The following MGAT4C variants were observed in gnomAD, a reference collection of about 807,000 sequenced individuals.
MGAT4C encodes MGAT4 family member C.
MGAT4C carries 19 observed loss-of-function variants against 40.1 expected under a neutral mutation model. The ratio of observed to expected loss-of-function variants is 0.47; its 90% confidence interval spans 0.33 to 0.70. MGAT4C has a LOEUF of 0.70. MGAT4C is among the 30% of genes least tolerant of loss of function. MGAT4C has a pLI of 0.02. For synonymous variants in MGAT4C, 181 were observed against 187.1 expected (o/e 0.97, Z 0.27); for missense variants, 491 against 563.2 (o/e 0.87, Z 1.30).
intron 2 of MGAT4C, among the ~76,000 whole-genome samples, chr12:86,510,656 C>G (rs1012480649): frequency 2.6e-5 from 4 of 151,906 alleles, no homozygotes; most frequent in Non-Finnish European, 4.4e-5. Context: ...ATCTACCAAG[C>G]AAATGGAAAA....
Position 86,580,538 on chromosome 12 carries a change from T to C in MGAT4C, c.-228-145273A>G, listed in dbSNP as rs1016189643. 2.0e-5 allele frequency among the ~76,000 whole-genome samples: 3 copies of C among 151,616 alleles called. No homozygotes were observed. The East Asian group carries it at 5.8e-4, about 30-fold the overall frequency. ...GACAGAAACATTTATCAGCACAGAA[T>C]TGATTATAGCTATAATCTACATAAT... is the stretch of plus-strand genomic sequence containing the variant. On this transcript the variant is annotated intron_variant, in intron 2 of 7. Coordinates refer to the MGAT4C transcript ENST00000548651.
chr12:86,073,318 G>A (rs145716950), intron 1 of MGAT4C, among the ~76,000 whole-genome samples: 74 of 152,184 alleles, frequency 4.9e-4, no homozygotes, highest in African/African-American at 1.3e-3. Flanking sequence ...AAATTACCCC[G>A]TCTTGGGTAT....
chr12:86,360,364 C>T (rs944916223), intron 3 of MGAT4C, among the ~76,000 whole-genome samples: 1 of 152,134 alleles, frequency 6.6e-6, no homozygotes, highest in South Asian at 2.1e-4. Context: ...TTATGACAAA[C>T]CCACAGCCAA....
At chr12:86,526,748 G>A (rs377534467) in intron 2 of MGAT4C, among the ~76,000 whole-genome samples, 26 of 152,334 alleles carry the variant, frequency 1.7e-4, no homozygotes, top group African/African-American at 5.5e-4. Flanking sequence ...CGCTGGCCAT[G>A]CACCACTACA....
intron 1 of MGAT4C, among the ~76,000 whole-genome samples, chr12:86,065,789 T>C (rs1894481741): frequency 6.6e-6 from 1 of 152,162 alleles, no homozygotes; most frequent in Non-Finnish European, 1.5e-5. Flanking sequence ...GCAGATGACA[T>C]GATTGTATGT....
At chr12:85,993,200 G>A (rs905507993) in intron 2 of MGAT4C, among the ~76,000 whole-genome samples, 2 of 152,172 alleles carry the variant, frequency 1.3e-5, no homozygotes, top group South Asian at 2.1e-4. Context: ...GAAGGATGTC[G>A]TGTTACTTTT....
At position 86,021,278 on chromosome 12, in the gene MGAT4C, C is replaced by T. The variant is rs1889703059; in HGVS notation, c.-7+28396G>A. Among the ~76,000 whole-genome samples the T allele has an allele frequency of 2.0e-5, 3 of 152,062 alleles. No homozygotes were observed. The South Asian group carries it at 6.2e-4, about 31-fold the overall frequency. On this transcript the variant is annotated intron_variant, in intron 2 of 4. Transcript: ENST00000611864. ...ATTATAAACCATGCTGCTATAAAGA[C>T]ACATGCACACGTATGTTTATTGCGG...
In MGAT4C at chr12:85,961,711, C is replaced by T. The variant is rs1036809385; in HGVS notation, c.*17578G>A. ...ATTTATTTGAATTTTTCTGGCCTAA[C>T]CTTGTTGGCATGAGAGTTCCCACTT... On this transcript the variant is annotated 3_prime_UTR_variant, in exon 5 of 5. Transcript: ENST00000611864. The T allele has an allele frequency of 6.6e-6, 1 of 151,818 alleles. No homozygotes were observed. The highest frequency in any genetic ancestry group is 1.5e-5 in the Non-Finnish European group (1 of 67,776). 9.4% of individuals were successfully genotyped at this position (151,818 alleles called of 1,614,324 possible).
At chr12:86,711,391 C>T (rs946667037) in intron 2 of MGAT4C, among the ~76,000 whole-genome samples, 1 of 151,918 alleles carries the variant, frequency 6.6e-6, no homozygotes, top group African/African-American at 2.4e-5. Context: ...AACCAACACT[C>T]ATATTTACGG....
At chr12:86,429,497 A>G (rs1179162437) in intron 3 of MGAT4C, among the ~76,000 whole-genome samples, 2 of 152,164 alleles carry the variant, frequency 1.3e-5, no homozygotes, top group Non-Finnish European at 2.9e-5. Context: ...AGTGTTGTTC[A>G]AGTCCAATGT....
chr12:86,141,501 A>C (rs1882834660), intron 1 of MGAT4C, among the ~76,000 whole-genome samples: 1 of 152,168 alleles, frequency 6.6e-6, no homozygotes, highest in African/African-American at 2.4e-5. Flanking sequence ...TCATGTGTCT[A>C]GGCATAAAAC....
At chr12:86,779,781 C>T (rs1047134130) in intron 1 of MGAT4C, among the ~76,000 whole-genome samples, 2 of 151,390 alleles carry the variant, frequency 1.3e-5, no homozygotes, top group Non-Finnish European at 2.9e-5. Flanking sequence ...GGCGTGGTGG[C>T]GGGCGCCTGT....
chr12:86,380,399 G>A (rs182966845), intron 3 of MGAT4C, among the ~76,000 whole-genome samples: 24 of 152,166 alleles, frequency 1.6e-4, no homozygotes, highest in Admixed American at 8.5e-4. Flanking sequence ...ACTTCGTGGT[G>A]TTAAATATTG....
chr12:86,115,874 T>G (rs2135664188), intron 1 of MGAT4C, among the ~76,000 whole-genome samples: 1 of 152,152 alleles, frequency 6.6e-6, no homozygotes, highest in East Asian at 1.9e-4. Flanking sequence ...CCTGAATTGA[T>G]TAAGGTCCAC....
At chr12:86,821,250 T>C (rs1226541383) in intron 1 of MGAT4C, among the ~76,000 whole-genome samples, 3 of 150,922 alleles carry the variant, frequency 2.0e-5, no homozygotes, top group African/African-American at 4.8e-5. Context: ...CTGCAGCAAC[T>C]ATAAAAGTTC....
At chr12:86,123,974 T>C (rs1879851147) in intron 1 of MGAT4C, among the ~76,000 whole-genome samples, 1 of 152,134 alleles carries the variant, frequency 6.6e-6, no homozygotes, top group South Asian at 2.1e-4. Flanking sequence ...AATTTCATTT[T>C]TAATCATTCC....
chr12:86,101,167 G>A (rs1874968241), intron 1 of MGAT4C, among the ~76,000 whole-genome samples: 1 of 151,538 alleles, frequency 6.6e-6, no homozygotes, highest in South Asian at 2.1e-4. Flanking sequence ...TTTTTACTCT[G>A]TAAGACATGG....
At chr12:86,065,643 A>T (rs914270585) in intron 1 of MGAT4C, among the ~76,000 whole-genome samples, 1 of 152,016 alleles carries the variant, frequency 6.6e-6, no homozygotes, top group Non-Finnish European at 1.5e-5. Flanking sequence ...CCTTTGAAAA[A>T]CGGGAGAAGA....
In MGAT4C at chr12:86,765,734, A is replaced by T. The variant is rs373304679; in HGVS notation, c.-261-38493T>A. On this transcript the variant is annotated intron_variant, in intron 1 of 7. Transcript: ENST00000548651. ...ATTCAACATTCTTAAAGAAAAGAATATTCAACCCAGAATTTCATATCCAGC... is the reference window on the plus strand; with the variant it reads ...ATTCAACATTCTTAAAGAAAAGAATTTTCAACCCAGAATTTCATATCCAGC... Among the ~76,000 whole-genome samples, 1,314 of 152,252 alleles carry T rather than the reference A, an allele frequency of 8.6e-3. 8 individuals carry two copies. The highest frequency in any genetic ancestry group is 0.017 in the Middle Eastern group (5 of 294).
Sources: gnomAD v4.1 joint callset for allele counts (sites outside exome capture counted in the v4.1 genomes callset) on GRCh38, gnomAD v4.1.1 for gene constraint, MANE v1.5 for transcripts, NCBI Gene and HGNC (gene_info 2026-07-23, HGNC 2026-07-21) for gene names.